KCNH3: variants seen among roughly 807,000 people sequenced by gnomAD.
KCNH3 encodes the protein voltage-gated inwardly rectifying potassium channel KCNH3.
A neutral mutation model predicts 95.6 loss-of-function variants in KCNH3; 36 were observed. That is an observed-to-expected ratio of 0.38 (90% CI 0.29 to 0.50). The LOEUF is 0.50. Among genes scored for constraint, KCNH3 ranks in the 20% least tolerant of loss-of-function variants. The pLI is 0.95. For synonymous variants in KCNH3, 620 were observed against 646.3 expected (o/e 0.96, Z 0.62); for missense variants, 1,030 against 1,484.1 (o/e 0.69, Z 5.03).
chr12:49,542,930 T>G (rs1937925700), intron 4 of KCNH3, 91 bp downstream of exon 4: 53 of 1,481,746 alleles, frequency 3.6e-5, no homozygotes, highest in African/African-American at 4.2e-5. Context: ...GAGAATGTCC[T>G]AGGGGCCACC....
intron 13 of KCNH3, 106 bp from the exon 14 acceptor site, chr12:49,557,077 A>G: frequency 1.9e-6 from 2 of 1,070,122 alleles, no homozygotes; most frequent in Admixed American, 1.8e-5. Context: ...CCTAGGAGTC[A>G]GGTCCTACCA....
intron 10 of KCNH3, among the ~76,000 whole-genome samples, chr12:49,553,445 A>G (rs1475141430): frequency 6.6e-6 from 1 of 152,106 alleles, no homozygotes; most frequent in East Asian, 1.9e-4. Context: ...GGAATGATTT[A>G]TAGGGGGTTC....
intron 4 of KCNH3, 78 bp downstream of exon 4, chr12:49,542,917 A>G: frequency 6.5e-7 from 1 of 1,533,234 alleles, no homozygotes; most frequent in South Asian, 1.2e-5. Context: ...GATCTACCAC[A>G]GAGAGAATGT....
At chr12:49,547,643 G>A (rs1938105161) in intron 7 of KCNH3, among the ~76,000 whole-genome samples, 1 of 152,118 alleles carries the variant, frequency 6.6e-6, no homozygotes, top group Admixed American at 6.5e-5. Flanking sequence ...CAGTGTGTGA[G>A]GTTGCTGAAT....
chr12:49,548,630 C>G (rs905372673), intron 7 of KCNH3, among the ~76,000 whole-genome samples: 11 of 152,188 alleles, frequency 7.2e-5, no homozygotes, highest in Admixed American at 5.9e-4. Flanking sequence ...CGACTGGGCC[C>G]GTTACCTGGG....
chr12:49,540,325 C>T (rs1274830882), intron 1 of KCNH3, among the ~76,000 whole-genome samples: 1 of 152,240 alleles, frequency 6.6e-6, no homozygotes, highest in Non-Finnish European at 1.5e-5. Flanking sequence ...CCAATACATT[C>T]CTGGCTCCTG....
At position 49,557,930 on chromosome 12, in the gene KCNH3, C is replaced by T; in HGVS notation, c.3229C>T (p.Gln1077Ter). 1.3e-6 allele frequency: 2 copies of T among 1,508,790 alleles called. No individual in the cohort carries two copies. Among genetic ancestry groups the T allele is most frequent in the Non-Finnish European group, 1.8e-6 (2 of 1,128,652 alleles). 93.5% of individuals were successfully genotyped at this position (1,508,790 alleles called of 1,614,324 possible). A position where few individuals can be genotyped will look rare whatever the true frequency, so the allele number is the denominator to read the frequency against. ...CHGSGTVQWTQEEGTGV is the reference protein window; with the variant it reads ...CHGSGTVQWT ...TGGCTCTGGCACAGTCCAGTGGACC[C>T]AGGAAGAAGGCACAGGGGTCTGAGT... The change falls in exon 15 of 15, where the codon CAG becomes TAG. Residue 1077 changes from glutamine to a stop codon, truncating the protein, a stop_gained. Transcript: ENST00000257981. LOFTEE classifies it high-confidence loss of function.
At chr12:49,548,030 G>T (rs2138149772) in intron 7 of KCNH3, among the ~76,000 whole-genome samples, 1 of 152,248 alleles carries the variant, frequency 6.6e-6, no homozygotes, top group African/African-American at 2.4e-5. Flanking sequence ...CCAAGGCCAG[G>T]TGGAGAACTT....
At chr12:49,547,660 G>A (rs1364316173) in intron 7 of KCNH3, among the ~76,000 whole-genome samples, 22 of 152,114 alleles carry the variant, frequency 1.4e-4, no homozygotes, top group Admixed American at 1.4e-3. Context: ...GAATGAATGA[G>A]TGGGTGGATG....
intron 13 of KCNH3, 109 bp from the exon 14 acceptor site, chr12:49,557,074 G>A (rs762076284): frequency 4.4e-5 from 47 of 1,070,102 alleles, no homozygotes; most frequent in Non-Finnish European, 5.9e-5. Flanking sequence ...GATCCTAGGA[G>A]TCAGGTCCTA....
Position 49,541,131 on chromosome 12 carries a change from C to G in KCNH3, c.309C>G (p.Ser103Arg). 1 of 1,598,410 alleles carries G rather than the reference C, an allele frequency of 6.3e-7. No individual in the cohort carries two copies. Among genetic ancestry groups the G allele is most frequent in the South Asian group, 1.1e-5 (1 of 90,708 alleles). The change falls in exon 2 of 15, where the codon AGC becomes AGG. Residue 103 changes from serine (S) to arginine (R), a missense_variant and splice_region_variant. Physicochemically the swap from Ser to Arg is moderately radical, Grantham distance 110 (BLOSUM62 -1). Around this residue, in one of 9 missense-constraint regions of KCNH3, gnomAD observed 63 missense variants for 107.7 expected, o/e 0.59. Coordinates refer to ENST00000257981, the MANE Select transcript of KCNH3 (RefSeq NM_012284.3). ...FKAELILYRK[S>R]GLPFWCLLDV... ...CTGAGCTGATCCTGTACCGGAAGAG[C>G]GGTGAGGGGCCACCTGGCCAGCCTG... is the stretch of plus-strand genomic sequence containing the variant.
In KCNH3 at chr12:49,539,871, G is replaced by C. The variant is rs577604095; in HGVS notation, c.76+379G>C. ...GGCGAGGCGGGTGAACAGTGCTCAGGGACAGCTGAGAGGGCTCAAAACACA... is the reference window on the plus strand; with the variant it reads ...GGCGAGGCGGGTGAACAGTGCTCAGCGACAGCTGAGAGGGCTCAAAACACA... On this transcript the variant is annotated intron_variant, in intron 1 of 14. Coordinates refer to ENST00000257981, the MANE Select transcript of KCNH3 (RefSeq NM_012284.3). This position sits in a 1 kb window ranked among gnomAD's most constrained non-coding sequence, Gnocchi z 6.7. Among the ~76,000 whole-genome samples the C allele has an allele frequency of 6.6e-6, 1 of 152,274 alleles. No homozygotes were observed. The highest frequency in any genetic ancestry group is 1.5e-5 in the Non-Finnish European group (1 of 68,016).
rs371807321 is a variant in KCNH3, at chr12:49,556,376, A to C, written c.2475A>C (p.Val825=). The C allele has an allele frequency of 4.3e-5, 69 of 1,612,570 alleles. No individual in the cohort carries two copies. The South Asian group carries it at 6.6e-4, about 15-fold the overall frequency. ...CTGGTACCTGGGTTCACAGGGTAGT[A>C]GATGGCATTGAAGACGGCTGTGGCT... ...NVPPDLSPRV[V]DGIEDGCGSD... is the part of the protein sequence containing the mutation. Residue 825 remains valine, a synonymous_variant, in exon 13 of 15, where the codon GTA becomes GTC. Coordinates refer to ENST00000257981, the MANE Select transcript of KCNH3 (RefSeq NM_012284.3).
At chr12:49,546,857 CAACT>C (rs1938079960) in intron 7 of KCNH3, among the ~76,000 whole-genome samples, 1 of 152,192 alleles carries the variant, frequency 6.6e-6, no homozygotes, top group African/African-American at 2.4e-5. Context: ...CCTCAGAGGC[CAACT>C]AAACAGTGAC....
chr12:49,557,041 C>T (rs1408611872), intron 13 of KCNH3, 142 bp from the exon 14 acceptor site: 21 of 823,108 alleles, frequency 2.6e-5, no homozygotes, highest in Non-Finnish European at 3.9e-5. Flanking sequence ...AAATTCAGCA[C>T]CTTGGGCAAG....
chr12:49,546,905 A>AT (rs1565777017), intron 7 of KCNH3, among the ~76,000 whole-genome samples: 1 of 151,832 alleles, frequency 6.6e-6, no homozygotes, highest in African/African-American at 2.4e-5. Flanking sequence ...ATTTTATTTT[A>AT]TTTTTTCTGG....
In KCNH3 at chr12:49,539,378, AC is replaced by A; in HGVS notation, c.-35del. 7 of 1,420,236 alleles carry A rather than the reference AC, an allele frequency of 4.9e-6. No homozygotes were observed. The highest frequency in any genetic ancestry group is 6.5e-6 in the Non-Finnish European group (7 of 1,083,504). The allele number at this position is 1,420,236 out of a possible 1,614,324, so 88.0% of individuals were successfully genotyped here. On this transcript the variant is annotated 5_prime_UTR_variant, in exon 1 of 15. Transcript: ENST00000257981. The surrounding 1 kb of genome is among the most constrained non-coding windows in gnomAD (Gnocchi z 6.7). ...CCCTCCCCCGGCGCGGAGTCCCCGC[AC>A]CCCGGAGGGATGGGGCGGGCAGCCG...
chr12:49,542,208 T>C (rs1364981988), intron 3 of KCNH3, among the ~76,000 whole-genome samples: 1 of 152,216 alleles, frequency 6.6e-6, no homozygotes, highest in African/African-American at 2.4e-5. Context: ...GTTACAAAGC[T>C]GTCAAGGCCT....
At chr12:49,550,802 C>T (rs1194501017) in intron 10 of KCNH3, among the ~76,000 whole-genome samples, 2 of 152,204 alleles carry the variant, frequency 1.3e-5, no homozygotes, top group African/African-American at 4.8e-5. Flanking sequence ...AGTCTCCAAA[C>T]AGTCAGGGAG....
Sources: gnomAD v4.1 joint callset for allele counts (sites outside exome capture counted in the v4.1 genomes callset) on GRCh38, gnomAD v4.1.1 for gene constraint, gnomAD v4.1.1 regional missense constraint, Gnocchi (gnomAD v3.1) non-coding constraint, MANE v1.5 for transcripts, NCBI Gene and HGNC (gene_info 2026-07-23, HGNC 2026-07-21) for gene names.